The following MAP2 variants were observed in gnomAD, a reference collection of about 807,000 sequenced individuals.
The protein encoded by MAP2 is microtubule-associated protein 2.
Under a neutral mutation model 137.6 loss-of-function variants are expected in MAP2, and 14 were observed. That is an observed-to-expected ratio of 0.10 (90% CI 0.07 to 0.16). The LOEUF is 0.16. Ranked by LOEUF, MAP2 falls within the 10% of genes least tolerant of loss-of-function variation. The pLI, the probability that MAP2 is intolerant of heterozygous loss-of-function variation, is 1.00. For synonymous variants in MAP2, 786 were observed against 782.3 expected (o/e 1.00, Z -0.08); for missense variants, 2,088 against 2,191.5 (o/e 0.95, Z 0.94).
chr2:209,693,618 A>G lies in MAP2; in HGVS notation c.1448A>G (p.Glu483Gly). 1 of 1,613,970 alleles carries G rather than the reference A, an allele frequency of 6.2e-7. No homozygotes were observed. ...IQTSTEHTFSEQKDQEPTTDM... is the reference protein window; with the variant it reads ...IQTSTEHTFSGQKDQEPTTDM... ...ACCTCCACAGAGCACACTTTCTCAGAACAGAAAGACCAAGAGCCTACCACA... is the reference window on the plus strand; with the variant it reads ...ACCTCCACAGAGCACACTTTCTCAGGACAGAAAGACCAAGAGCCTACCACA... Residue 483 changes from glutamate to glycine, a missense_variant, in exon 8 of 16, where the codon GAA becomes GGA. Transcript: ENST00000682079.
intron 5 of MAP2, among the ~76,000 whole-genome samples, chr2:209,671,476 G>A (rs1312343810): frequency 6.6e-6 from 1 of 151,826 alleles, no homozygotes; most frequent in Admixed American, 6.6e-5. Flanking sequence ...TTGTTGATTA[G>A]TTTCCATCAG....
intron 1 of MAP2, among the ~76,000 whole-genome samples, chr2:209,441,713 G>T (rs1697830818): frequency 6.6e-6 from 1 of 151,612 alleles, no homozygotes; most frequent in Non-Finnish European, 1.5e-5. Flanking sequence ...GAAGTGATTT[G>T]CAAGGAACTA....
intron 2 of MAP2, among the ~76,000 whole-genome samples, chr2:209,537,878 T>G (rs1335583599): frequency 6.6e-6 from 1 of 152,186 alleles, no homozygotes; most frequent in Non-Finnish European, 1.5e-5. Flanking sequence ...TAAGAAGCAT[T>G]AATAAGCACA....
At chr2:209,543,720 C>T (rs1330636239) in intron 2 of MAP2, among the ~76,000 whole-genome samples, 2 of 152,130 alleles carry the variant, frequency 1.3e-5, no homozygotes, top group African/African-American at 4.8e-5. Context: ...TTAGATACCA[C>T]GCATGTATTT....
At chr2:209,719,095 C>A (rs2153795995) in intron 13 of MAP2, among the ~76,000 whole-genome samples, 1 of 152,280 alleles carries the variant, frequency 6.6e-6, no homozygotes, top group East Asian at 1.9e-4. Flanking sequence ...TTTATGCCAT[C>A]TTGAGAAATG....
At chr2:209,471,025 G>A (rs1235188143) in intron 1 of MAP2, among the ~76,000 whole-genome samples, 5 of 152,062 alleles carry the variant, frequency 3.3e-5, no homozygotes, top group African/African-American at 4.8e-5. Context: ...GTAACTTCCC[G>A]TTTGTCTTCT....
intron 2 of MAP2, among the ~76,000 whole-genome samples, chr2:209,560,406 A>G (rs888031095): frequency 5.9e-5 from 9 of 152,076 alleles, no homozygotes; most frequent in African/African-American, 1.9e-4. Context: ...CAAACATATA[A>G]CTTCTTTTAT....
chr2:209,729,791 G>T, intron 14 of MAP2, 59 bp from the exon 15 acceptor site: 1 of 1,141,678 alleles, frequency 8.8e-7, no homozygotes, highest in South Asian at 1.3e-5. Context: ...AGTCATTTTT[G>T]GGAAATAGTT....
intron 1 of MAP2, among the ~76,000 whole-genome samples, chr2:209,491,663 A>G (rs1411267000): frequency 6.6e-6 from 1 of 152,198 alleles, no homozygotes. Flanking sequence ...ATACTATAAA[A>G]CACCTCTACA....
At chr2:209,545,022 T>C (rs2067770280) in intron 2 of MAP2, among the ~76,000 whole-genome samples, 1 of 152,180 alleles carries the variant, frequency 6.6e-6, no homozygotes, top group Admixed American at 6.5e-5. Flanking sequence ...GAATTCAAAC[T>C]ATTTTTGCCT....
intron 3 of MAP2, among the ~76,000 whole-genome samples, chr2:209,615,712 G>T (rs77180189): frequency 2.5e-4 from 38 of 152,330 alleles, no homozygotes; most frequent in Non-Finnish European, 4.7e-4. Flanking sequence ...GCCGAAGACA[G>T]TAAAAAGCCT....
At chr2:209,594,761 G>T (rs908381061) in intron 3 of MAP2, among the ~76,000 whole-genome samples, 3 of 151,986 alleles carry the variant, frequency 2.0e-5, no homozygotes, top group Non-Finnish European at 4.4e-5. Flanking sequence ...TTTACCTCTA[G>T]TATTTACTAC....
intron 1 of MAP2, among the ~76,000 whole-genome samples, chr2:209,430,101 C>T (rs116019286): frequency 1.8e-3 from 265 of 150,382 alleles, no homozygotes; most frequent in African/African-American, 6.3e-3. Flanking sequence ...CCTTTTGGCC[C>T]ACTTTGAAAA....
At position 209,722,208 on chromosome 2, in the gene MAP2, G is replaced by A. The variant is rs147981000; in HGVS notation, c.5074-3501G>A. ...AACTTTTATTATGCCCTAAAAAGTA[G>A]CCCAATCATTCTGTCTTCTGAATTC... On this transcript the variant is annotated intron_variant, in intron 13 of 15. Coordinates refer to ENST00000682079, the MANE Select transcript of MAP2 (RefSeq NM_001375505.1). Among the ~76,000 whole-genome samples the A allele has an allele frequency of 2.1e-4, 32 of 152,254 alleles. No homozygotes were observed. In the Middle Eastern group the frequency reaches 0.014, roughly 65 times the overall value.
At chr2:209,698,550 G>C (rs1369775281) in intron 10 of MAP2, among the ~76,000 whole-genome samples, 1 of 152,124 alleles carries the variant, frequency 6.6e-6, no homozygotes, top group Non-Finnish European at 1.5e-5. Flanking sequence ...TTTAGCCATT[G>C]AAAATTCCAA....
At chr2:209,639,516 T>A (rs941810157) in intron 4 of MAP2, among the ~76,000 whole-genome samples, 2 of 152,146 alleles carry the variant, frequency 1.3e-5, no homozygotes, top group Non-Finnish European at 2.9e-5. Context: ...GTTTCTATCC[T>A]TAGCCATGTC....
intron 11 of MAP2, 71 bp downstream of exon 11, chr2:209,700,409 C>T: frequency 8.4e-7 from 1 of 1,196,348 alleles, no homozygotes. Flanking sequence ...ATCAGAATAA[C>T]TTTTGATATT....
intron 3 of MAP2, among the ~76,000 whole-genome samples, chr2:209,623,962 A>G (rs1485234154): frequency 2.0e-5 from 3 of 152,158 alleles, no homozygotes. Flanking sequence ...GTAAATATTC[A>G]CAGATTAAAT....
At chr2:209,438,055 C>T (rs539696378) in intron 1 of MAP2, among the ~76,000 whole-genome samples, 2 of 151,632 alleles carry the variant, frequency 1.3e-5, no homozygotes, top group East Asian at 3.9e-4. Flanking sequence ...AGGCATGAGA[C>T]TGTACTATTG....
Sources: gnomAD v4.1 joint callset for allele counts (sites outside exome capture counted in the v4.1 genomes callset) on GRCh38, gnomAD v4.1.1 for gene constraint, MANE v1.5 for transcripts, NCBI Gene and HGNC (gene_info 2026-07-23, HGNC 2026-07-21) for gene names.